Variants in GTF2IRD2B observed in about 807,000 individuals in gnomAD.
GTF2IRD2B encodes GTF2I repeat domain containing 2B.
In GTF2IRD2B, 10 loss-of-function variants were observed where a neutral mutation model predicts 55.6. The observed-to-expected ratio is 0.18, with a 90% CI of 0.11 to 0.31. The LOEUF is 0.31. Ranked by LOEUF, GTF2IRD2B falls within the 10% of genes least tolerant of loss-of-function variation. The pLI, the probability that GTF2IRD2B is intolerant of heterozygous loss-of-function variation, is 1.00. For synonymous variants in GTF2IRD2B, 107 were observed against 320.5 expected (o/e 0.33, Z 7.12); for missense variants, 206 against 802.7 (o/e 0.26, Z 8.98).
chr7:75,117,425 G>A (rs1321454987), intron 3 of GTF2IRD2B, among the ~76,000 whole-genome samples: 1 of 152,302 alleles, frequency 6.6e-6, no homozygotes, highest in Non-Finnish European at 1.5e-5. Context: ...AACCCGGGAG[G>A]CGGAGGTTGC....
intron 6 of GTF2IRD2B, chr7:75,123,814 C>T: frequency 2.5e-6 from 1 of 406,406 alleles, no homozygotes; most frequent in Non-Finnish European, 4.7e-6. Flanking sequence ...GGAGGTGGAG[C>T]TTGCAGTGAG....
At chr7:75,127,024 C>CAA (rs1327743794) in intron 8 of GTF2IRD2B, among the ~76,000 whole-genome samples, 1 of 74,622 alleles carries the variant, frequency 1.3e-5, no homozygotes, top group African/African-American at 3.5e-5. Flanking sequence ...AAAACAAAAA[C>CAA]AAAAAAAACA....
intron 1 of GTF2IRD2B, among the ~76,000 whole-genome samples, chr7:75,104,707 C>T (rs1182959777): frequency 7.9e-5 from 12 of 152,230 alleles, no homozygotes; most frequent in Middle Eastern, 3.4e-3. Flanking sequence ...ACGTCTTTGC[C>T]GTTACATATT....
intron 8 of GTF2IRD2B, among the ~76,000 whole-genome samples, chr7:75,130,489 T>TC: frequency 6.7e-6 from 1 of 148,620 alleles, no homozygotes; most frequent in African/African-American, 2.5e-5. Context: ...AATTTTTTTT[T>TC]CTTTTCTTGA....
chr7:75,092,947 C>T (rs1242695181), intron 1 of GTF2IRD2B, among the ~76,000 whole-genome samples, 182 bp downstream of exon 1: 2 of 151,806 alleles, frequency 1.3e-5, no homozygotes, highest in African/African-American at 4.8e-5. Context: ...TCCCTGCTGG[C>T]AGGACCAGAG....
Position 75,124,344 on chromosome 7 carries a change from G to A in GTF2IRD2B, c.571+828G>A, listed in dbSNP as rs1163087902. On this transcript the variant is annotated intron_variant, in intron 6 of 15. Transcript: ENST00000472837. ...GATTGTGCCACCGCACTCCAGCCTG[G>A]GTGACAAAATGAGACTGTGCCTCAA... Among the ~76,000 whole-genome samples, 3 of 152,280 alleles carry A rather than the reference G, an allele frequency of 2.0e-5. No individual in the cohort carries two copies. In the East Asian group the frequency reaches 5.8e-4, roughly 29 times the overall value.
chr7:75,118,518 G>A (rs1272080649), intron 3 of GTF2IRD2B, among the ~76,000 whole-genome samples: 2 of 151,494 alleles, frequency 1.3e-5, no homozygotes, highest in Non-Finnish European at 1.5e-5. Flanking sequence ...CCTTAGCCCA[G>A]CAGTTACAGA....
At position 75,132,559 on chromosome 7, in the gene GTF2IRD2B, T is replaced by C. The variant is rs1203583673; in HGVS notation, c.671-576T>C. Among the ~76,000 whole-genome samples, 166 of 123,884 alleles carry C rather than the reference T, an allele frequency of 1.3e-3. 1 individual carries two copies. Among genetic ancestry groups the C allele is most frequent in the Non-Finnish European group, 2.4e-3 (145 of 59,782 alleles). The allele number at this position is 123,884 out of a possible 152,430, so 81.3% of individuals were successfully genotyped here. On this transcript the variant is annotated intron_variant, in intron 8 of 15. Coordinates refer to ENST00000472837, the MANE Select transcript of GTF2IRD2B (RefSeq NM_001003795.3). ...TCCTCTCCTTCCTTCTTTTTTTTTT[T>C]TTTTTTTTTTTTTTGAGATGGAGTC...
chr7:75,132,798 C>T (rs1422273344), intron 8 of GTF2IRD2B, among the ~76,000 whole-genome samples: 5 of 148,940 alleles, frequency 3.4e-5, no homozygotes, highest in Admixed American at 6.6e-5. Context: ...AGTGATCTGC[C>T]CGCCTCAGCC....
At chr7:75,114,176 T>G (rs1808065610) in intron 3 of GTF2IRD2B, among the ~76,000 whole-genome samples, 1 of 150,756 alleles carries the variant, frequency 6.6e-6, no homozygotes, top group Non-Finnish European at 1.5e-5. Flanking sequence ...GATCCCAAAT[T>G]AAGGTCTCCA....
chr7:75,123,520 A>G lies in GTF2IRD2B; in HGVS notation c.571+4A>G. 1.4e-6 allele frequency: 1 copy of G among 693,380 alleles called. No individual in the cohort carries two copies. The highest frequency in any genetic ancestry group is 2.5e-6 in the Non-Finnish European group (1 of 402,700). 43.0% of individuals were successfully genotyped at this position (693,380 alleles called of 1,614,324 possible). A position where few individuals can be genotyped will look rare whatever the true frequency, so the allele number is the denominator to read the frequency against. On this transcript the variant is annotated splice_donor_region_variant and intron_variant, in intron 6 of 15. Coordinates refer to ENST00000472837, the MANE Select transcript of GTF2IRD2B (RefSeq NM_001003795.3). Reference sequence around the variant, plus strand: ...CTAGGACCAGAGAGTCAGCTGGGTAAGTGACAGCTTCTCAGGTTTGGTGGC... The same window carrying G: ...CTAGGACCAGAGAGTCAGCTGGGTAGGTGACAGCTTCTCAGGTTTGGTGGC...
chr7:75,104,919 G>A (rs1401369463), intron 1 of GTF2IRD2B, among the ~76,000 whole-genome samples: 2 of 152,302 alleles, frequency 1.3e-5, no homozygotes, highest in Non-Finnish European at 2.9e-5. Context: ...TACCGGCTGG[G>A]CGCGGTGGCT....
chr7:75,132,796 G>A (rs1808708638), intron 8 of GTF2IRD2B, among the ~76,000 whole-genome samples: 1 of 148,836 alleles, frequency 6.7e-6, no homozygotes, highest in African/African-American at 2.6e-5. Flanking sequence ...CAAGTGATCT[G>A]CCCGCCTCAG....
intron 1 of GTF2IRD2B, among the ~76,000 whole-genome samples, chr7:75,106,176 G>T: frequency 6.6e-6 from 1 of 152,312 alleles, no homozygotes; most frequent in East Asian, 1.9e-4. Context: ...GCTGAGGCGG[G>T]CAGATCACCT....
intron 6 of GTF2IRD2B, chr7:75,123,749 G>C (rs1808460409): frequency 3.0e-6 from 2 of 672,038 alleles, no homozygotes; most frequent in African/African-American, 3.5e-5. Context: ...GTGGTGGCGG[G>C]CGCCTGTAGT....
intron 1 of GTF2IRD2B, among the ~76,000 whole-genome samples, chr7:75,103,413 C>G (rs1410127024): frequency 6.6e-6 from 1 of 151,242 alleles, no homozygotes; most frequent in African/African-American, 2.4e-5. Flanking sequence ...GCTTCCTAAG[C>G]TGGCGTCACC....
Position 75,112,468 on chromosome 7 carries a change from C to T in GTF2IRD2B, c.171C>T (p.Val57=), listed in dbSNP as rs782394301. Residue 57 remains valine, a synonymous_variant, in exon 3 of 16, where the codon GTC becomes GTT. Coordinates refer to ENST00000472837, the MANE Select transcript of GTF2IRD2B (RefSeq NM_001003795.3). The part of the protein sequence containing the change: ...IAVYETDVFV[V]GTERGCAFVN... ...TGTACGAAACAGACGTGTTTGTCGT[C>T]GGAACCGAGAGAGGATGCGCTTTTG... 8 of 689,018 alleles carry T rather than the reference C, an allele frequency of 1.2e-5. No individual in the cohort carries two copies. Among genetic ancestry groups the T allele is most frequent in the Non-Finnish European group, 1.2e-5 (5 of 425,150 alleles). The allele number at this position is 689,018 out of a possible 1,614,324, so 42.7% of individuals were successfully genotyped here.
chr7:75,123,906 TG>T (rs1358872095), intron 6 of GTF2IRD2B: 2 of 334,828 alleles, frequency 6.0e-6, no homozygotes, highest in Non-Finnish European at 1.2e-5. Context: ...TGAATTTGGG[TG>T]AGGGGAGGGA....
chr7:75,143,884 TA>T (rs1376853161), intron 14 of GTF2IRD2B, 65 bp from the exon 15 acceptor site: 2 of 264,248 alleles, frequency 7.6e-6, no homozygotes, highest in Admixed American at 1.2e-4. Context: ...TAAAAAAAAA[TA>T]AAACTAAGTG....
Sources: allele counts gnomAD v4.1 joint callset (sites outside exome capture counted in the v4.1 genomes callset), GRCh38; gene constraint gnomAD v4.1.1; transcripts MANE v1.5; gene names NCBI Gene and HGNC (gene_info 2026-07-23, HGNC 2026-07-21).